The following COL20A1 variants were observed in gnomAD, a reference collection of about 807,000 sequenced individuals.
COL20A1 encodes collagen alpha-1(XX) chain.
A neutral mutation model predicts 152.9 loss-of-function variants in COL20A1; 164 were observed. The ratio of observed to expected loss-of-function variants is 1.07; its 90% confidence interval spans 0.94 to 1.22. COL20A1 has a LOEUF of 1.22. COL20A1 is among the 50% of genes most tolerant of loss of function. COL20A1 has a pLI of 0.00. For missense variants in COL20A1, 1,873 were observed against 1,744.8 expected, an observed-to-expected ratio of 1.07 and a Z score of -1.31; for synonymous variants, 864 against 756.0, an observed-to-expected ratio of 1.14 and a Z score of -2.34.
chr20:63,301,423 T>C (rs2067862011), intron 3 of COL20A1, among the ~76,000 whole-genome samples: 1 of 152,264 alleles, frequency 6.6e-6, no homozygotes, highest in Non-Finnish European at 1.5e-5. Context: ...AGTTTTCTAA[T>C]GTTCTAATTA....
At position 63,306,159 on chromosome 20, in the gene COL20A1, G is replaced by A. The variant is rs902480397; in HGVS notation, c.496+120G>A. 6 of 901,788 alleles carry A rather than the reference G, an allele frequency of 6.7e-6. No individual in the cohort carries two copies. Among genetic ancestry groups the A allele is most frequent in the East Asian group, 2.7e-5 (1 of 37,000 alleles). The allele number at this position is 901,788 out of a possible 1,614,324, so 55.9% of individuals were successfully genotyped here. A position where few individuals can be genotyped will look rare whatever the true frequency, so the allele number is the denominator to read the frequency against. On this transcript the variant is annotated intron_variant, in intron 5 of 35. Transcript: ENST00000358894. This position sits in a 1 kb window ranked among gnomAD's most constrained non-coding sequence, Gnocchi z 6.9. ...GTCTGACCACACGGTCTCTGACCAC[G>A]AGGCCAGGAAGTTCTTCCTCGTGTC...
chr20:63,306,034 C>A lies in COL20A1; in HGVS notation c.491C>A (p.Thr164Asn). The A allele has an allele frequency of 6.2e-7, 1 of 1,607,398 alleles. No individual in the cohort carries two copies. Among genetic ancestry groups the A allele is most frequent in the Admixed American group, 1.7e-5 (1 of 58,996 alleles). Reference protein sequence around the residue: ...VAFTPSQDPRTPAGPQFRCLP... With the variant: ...VAFTPSQDPRNPAGPQFRCLP... ...TTCACACCAAGCCAGGATCCGCGCA[C>A]TCCTGGTGGGTCAGAGTGGAGAGAG... The change falls in exon 5 of 36, where the codon ACT (threonine) becomes AAT (asparagine). Residue 164 changes from threonine (T) to asparagine (N), a missense_variant. Thr to Asn is a moderately conservative substitution (Grantham distance 65, BLOSUM62 0). Transcript: ENST00000358894. This position sits in a 1 kb window ranked among gnomAD's most constrained non-coding sequence, Gnocchi z 6.9.
chr20:63,319,397 CTCCTG>C lies in COL20A1; in HGVS notation c.2807-82_2807-78del. On this transcript the variant is annotated intron_variant, in intron 22 of 35. Transcript: ENST00000358894. This position sits in a 1 kb window ranked among gnomAD's most constrained non-coding sequence, Gnocchi z 4.4. ...CTCCAGCTTGGCACCCTCAGGGCTG[CTCCTG>C]TCCTGTCGTGGGGGCCGCCCTGCTC... 1 of 1,161,012 alleles carries C rather than the reference CTCCTG, an allele frequency of 8.6e-7. No homozygotes were observed. The highest frequency in any genetic ancestry group is 1.5e-5 in the African/African-American group (1 of 65,360). 71.9% of individuals were successfully genotyped at this position (1,161,012 alleles called of 1,614,324 possible). A position where few individuals can be genotyped will look rare whatever the true frequency, so the allele number is the denominator to read the frequency against.
At chr20:63,297,084 C>T (rs1022859622) in intron 2 of COL20A1, among the ~76,000 whole-genome samples, 3 of 152,238 alleles carry the variant, frequency 2.0e-5, no homozygotes, top group Admixed American at 6.5e-5. Context: ...TGGACGCACA[C>T]ATGTACCAAC....
chr20:63,314,839 C>A (rs2068064318), intron 19 of COL20A1, among the ~76,000 whole-genome samples: 1 of 134,734 alleles, frequency 7.4e-6, no homozygotes, highest in Admixed American at 7.0e-5. Context: ...CCTGCCCGCA[C>A]ACCAGGCATC....
At chr20:63,323,203 A>G (rs1035280818) in intron 27 of COL20A1, among the ~76,000 whole-genome samples, 1 of 152,184 alleles carries the variant, frequency 6.6e-6, no homozygotes, top group Non-Finnish European at 1.5e-5. Flanking sequence ...CTTCTTCTCC[A>G]CCGTTCTTTT....
intron 2 of COL20A1, among the ~76,000 whole-genome samples, chr20:63,297,594 G>A (rs1245876973): frequency 1.3e-5 from 2 of 152,222 alleles, no homozygotes; most frequent in African/African-American, 4.8e-5. Context: ...TTCCTGGTGG[G>A]AGGACCCCCG....
chr20:63,328,526 G>T, intron 34 of COL20A1, 28 bp downstream of exon 34: 1 of 1,590,740 alleles, frequency 6.3e-7, no homozygotes, highest in South Asian at 1.1e-5. Context: ...CTTGGGGAGG[G>T]AGTTGTGGCC....
In COL20A1 at chr20:63,313,459, C is replaced by T. The variant is rs977268798; in HGVS notation, c.2209+210C>T. On this transcript the variant is annotated intron_variant, in intron 17 of 35. Transcript: ENST00000358894. The surrounding 1 kb of genome is among the most constrained non-coding windows in gnomAD (Gnocchi z 5.9). Reference sequence around the variant, plus strand: ...TCCCCCAGTGGCCGAGTGCACAAACCACCTAGTGTCCCGCAGGGCAGCCCA... The same window carrying T: ...TCCCCCAGTGGCCGAGTGCACAAACTACCTAGTGTCCCGCAGGGCAGCCCA... 6.6e-6 allele frequency among the ~76,000 whole-genome samples: 1 copy of T among 152,168 alleles called. No individual in the cohort carries two copies. The highest frequency in any genetic ancestry group is 6.5e-5 in the Admixed American group (1 of 15,276).
At chr20:63,309,672 C>A in intron 9 of COL20A1, 86 bp from the exon 10 acceptor site, 2 of 1,338,474 alleles carry the variant, frequency 1.5e-6, no homozygotes, top group Non-Finnish European at 2.0e-6. Flanking sequence ...GCTTTCCTGT[C>A]CCTCCTGTGA....
Position 63,307,573 on chromosome 20 carries a change from C to T in COL20A1, c.580C>T (p.His194Tyr). 1 of 1,612,708 alleles carries T rather than the reference C, an allele frequency of 6.2e-7. No homozygotes were observed. Among genetic ancestry groups the T allele is most frequent in the Non-Finnish European group, 8.5e-7 (1 of 1,179,736 alleles). The stretch of plus-strand genomic sequence containing the variant: ...CGGGTCCTGGAGCATTGGCCACAGT[C>T]ACTTCCAGCAGGTCAAGGACTTCCT... ...VDGSWSIGHS[H>Y]FQQVKDFLAS... The change falls in exon 6 of 36, where the codon CAC (histidine) becomes TAC (tyrosine). Residue 194 changes from histidine (H) to tyrosine (Y), a missense_variant. Transcript: ENST00000358894.
In COL20A1 at chr20:63,311,309, A is replaced by G; in HGVS notation, c.1394-85A>G. On this transcript the variant is annotated intron_variant, in intron 11 of 35. Transcript: ENST00000358894. This position sits in a 1 kb window ranked among gnomAD's most constrained non-coding sequence, Gnocchi z 4.4. ...CACCTGCCAGGCGGTGGCCGTGCCC[A>G]CCCACTCTGGTGTGAGGGTGCCCCG... The G allele has an allele frequency of 7.2e-7, 1 of 1,395,838 alleles. No individual in the cohort carries two copies. Among genetic ancestry groups the G allele is most frequent in the Non-Finnish European group, 9.5e-7 (1 of 1,050,206 alleles). The allele number at this position is 1,395,838 out of a possible 1,614,324, so 86.5% of individuals were successfully genotyped here. A position where few individuals can be genotyped will look rare whatever the true frequency, so the allele number is the denominator to read the frequency against.
rs750902617 is a variant in COL20A1 at position 63,309,450 on chromosome 20, G to A, written c.1058G>A (p.Arg353His). Residue 353 changes from arginine to histidine, a missense_variant, in exon 9 of 36, where the codon CGT (arginine) becomes CAT (histidine). Transcript: ENST00000358894. Reference protein sequence around the residue: ...QLGALAGLLSRLICQRLQGGS... With the variant: ...QLGALAGLLSHLICQRLQGGS... ...GGCGCGCTGGCTGGCCTGCTCAGCC[G>A]TCTCATCTGCCAGAGGCTCCAGGGT... is the stretch of plus-strand genomic sequence containing the variant. 4.5e-5 allele frequency: 70 copies of A among 1,539,570 alleles called. No individual in the cohort carries two copies. Among genetic ancestry groups the A allele is most frequent in the Middle Eastern group, 1.7e-4 (1 of 5,846 alleles).
chr20:63,312,648 G>A, intron 15 of COL20A1, 99 bp downstream of exon 15: 6 of 1,478,592 alleles, frequency 4.1e-6, no homozygotes, highest in African/African-American at 1.4e-5. Context: ...GCCTGCCCTG[G>A]GTCAGTGCTG....
At position 63,321,858 on chromosome 20, in the gene COL20A1, CTGACTA is replaced by C. The variant is rs372943598; in HGVS notation, c.3241-196_3241-191del. The stretch of plus-strand genomic sequence containing the variant: ...GGCCGGGGTTTGAACCCAGAACTGC[CTGACTA>C]TGAGAGGGAAGGATGGGCTAGTGCG... On this transcript the variant is annotated intron_variant, in intron 26 of 35. Coordinates refer to ENST00000358894, the MANE Select transcript of COL20A1 (RefSeq NM_020882.4). 3.3e-3 allele frequency among the ~76,000 whole-genome samples: 458 copies of C among 139,116 alleles called. 6 individuals are homozygous for C. The highest frequency in any genetic ancestry group is 0.014 in the African/African-American group (397 of 29,240). The allele number at this position is 139,116 out of a possible 152,430, so 91.3% of individuals were successfully genotyped here.
At chr20:63,325,219 G>T (rs2123431428) in intron 27 of COL20A1, 2 of 686,568 alleles carry the variant, frequency 2.9e-6, no homozygotes, top group East Asian at 2.7e-5. Context: ...GCCACAGGAG[G>T]GGTGGCAAGC....
chr20:63,320,185 C>A lies in COL20A1; in HGVS notation c.3063C>A (p.Ser1021Arg). The part of the protein sequence containing the change: ...GRLAKARGPR[S>R]SSAAFQLQML... ...TGGCCAAGGCCAGGGGCCCCCGGAG[C>A]AGTTCGGCCGCGGTGAGTTGGGCCC... Residue 1021 changes from serine to arginine, a missense_variant, in exon 24 of 36, where the codon AGC becomes AGA. Transcript: ENST00000358894. 1 of 1,574,286 alleles carries A rather than the reference C, an allele frequency of 6.4e-7. No individual in the cohort carries two copies. Among genetic ancestry groups the A allele is most frequent in the Middle Eastern group, 1.9e-4 (1 of 5,290 alleles).
chr20:63,311,727 CGGGGCATCCGTGCCA>C lies in COL20A1; in HGVS notation c.1645_1659del (p.Gly549_Arg553del). On this transcript the variant is annotated inframe_deletion, in exon 13 of 36. Coordinates refer to ENST00000358894, the MANE Select transcript of COL20A1 (RefSeq NM_020882.4). This position sits in a 1 kb window ranked among gnomAD's most constrained non-coding sequence, Gnocchi z 4.4. ...GCGAGGCCCTGAGGGCAGCGAGGCCCGGGGCATCCGTGCCAGGACCCGTGAGTGCTCCAACCCCGG... is the reference window on the plus strand; with the variant it reads ...GCGAGGCCCTGAGGGCAGCGAGGCCCGGACCCGTGAGTGCTCCAACCCCGG... The C allele has an allele frequency of 6.3e-7, 1 of 1,596,320 alleles. No homozygotes were observed. Among genetic ancestry groups the C allele is most frequent in the South Asian group, 1.1e-5 (1 of 89,178 alleles).
intron 31 of COL20A1, chr20:63,327,744 G>A: frequency 3.3e-6 from 2 of 599,604 alleles, no homozygotes; most frequent in South Asian, 4.0e-5. Context: ...GGACTCTGCT[G>A]CAGAACCGAG....
Sources: gnomAD v4.1 joint callset for allele counts (sites outside exome capture counted in the v4.1 genomes callset) on GRCh38, gnomAD v4.1.1 for gene constraint, Gnocchi (gnomAD v3.1) non-coding constraint, MANE v1.5 for transcripts, NCBI Gene and HGNC (gene_info 2026-07-23, HGNC 2026-07-21) for gene names.